NOP9: variants seen among roughly 807,000 people sequenced by gnomAD.
NOP9 encodes the protein NOP9 nucleolar protein.
NOP9 carries 50 observed loss-of-function variants against 63.0 expected under a neutral mutation model. The ratio of observed to expected loss-of-function variants is 0.79; its 90% CI spans 0.63 to 1.00. The LOEUF (loss-of-function observed/expected upper bound fraction) is 1.00, where lower values mean the gene tolerates loss of function less well. NOP9 is among the 50% of genes least tolerant of loss of function. The pLI is 0.00. For synonymous variants in NOP9, 343 were observed against 332.8 expected (o/e 1.03, Z -0.33); for missense variants, 758 against 803.0 (o/e 0.94, Z 0.68).
chr14:24,274,176 A>G, the NOP9 span, among the ~76,000 whole-genome samples: 9 of 152,128 alleles, frequency 5.9e-5, no homozygotes, highest in Admixed American at 1.3e-4. Flanking sequence ...CTCTGTGCAC[A>G]CTCATAGGCG....
rs542250063 is a variant in NOP9, at chr14:24,307,824, A to G, written c.*2729A>G. 6.3e-7 allele frequency: 1 copy of G among 1,595,516 alleles called. No homozygotes were observed. Among genetic ancestry groups the G allele is most frequent in the South Asian group, 1.1e-5 (1 of 88,012 alleles). ...GCGGAGGGTTAGCAGTCACCTGAGT[A>G]AGTCACTGGGGTTCAGAGCTGAGAG... On this transcript the variant is annotated 3_prime_UTR_variant, in exon 10 of 10. Transcript: ENST00000267425.
At chr14:24,291,698 T>C in the NOP9 span, 6 of 1,480,578 alleles carry the variant, frequency 4.1e-6, no homozygotes, top group African/African-American at 8.3e-5. Flanking sequence ...CCATTTCAAC[T>C]TCTGTTCCAG....
upstream of NOP9, among the ~76,000 whole-genome samples, chr14:24,295,973 G>C (rs1461672215): frequency 1.3e-5 from 2 of 152,122 alleles, no homozygotes; most frequent in Non-Finnish European, 2.9e-5. Context: ...CATTATGCTA[G>C]GCGAATTCTA....
At position 24,306,725 on chromosome 14, in the gene NOP9, C is replaced by T; in HGVS notation, c.*1630C>T. ...CTAGCTAGAGGCTGACCTTTTTCCT[C>T]TTTGCTCCTACCATGTCATTGGCAT... On this transcript the variant is annotated 3_prime_UTR_variant, in exon 10 of 10. Transcript: ENST00000267425. 1.6e-6 allele frequency: 1 copy of T among 611,394 alleles called. No homozygotes were observed. Among genetic ancestry groups the T allele is most frequent in the Non-Finnish European group, 2.8e-6 (1 of 352,054 alleles). 37.9% of individuals were successfully genotyped at this position (611,394 alleles called of 1,614,324 possible). A position where few individuals can be genotyped will look rare whatever the true frequency, so the allele number is the denominator to read the frequency against.
Position 24,300,127 on chromosome 14 carries a change from G to A in NOP9, c.173G>A (p.Ser58Asn). 1.2e-6 allele frequency: 2 copies of A among 1,613,824 alleles called. No individual in the cohort carries two copies. The highest frequency in any genetic ancestry group is 1.7e-6 in the Non-Finnish European group (2 of 1,179,948). Residue 58 changes from serine to asparagine, a missense_variant, in exon 1 of 10, where the codon AGC (serine) becomes AAC (asparagine). Transcript: ENST00000267425. Reference sequence around the variant, plus strand: ...GCTCCAGATTCGCACCCGCACCTGAGCCCGGAAGCTCTGGGATATTTCCGC... The same window carrying A: ...GCTCCAGATTCGCACCCGCACCTGAACCCGGAAGCTCTGGGATATTTCCGC... ...EPAPDSHPHL[S>N]PEALGYFRRA...
chr14:24,292,327 C>T, the NOP9 span: 1 of 1,614,022 alleles, frequency 6.2e-7, no homozygotes, highest in Admixed American at 1.7e-5. Context: ...GCCAGCTTGT[C>T]ACACTGTGGA....
chr14:24,271,261 C>G, the NOP9 span: 9 of 1,090,390 alleles, frequency 8.3e-6, no homozygotes, highest in Non-Finnish European at 1.2e-5. Flanking sequence ...GGGCAGAGAC[C>G]CCCAGAGTGT....
chr14:24,285,332 C>G, the NOP9 span, among the ~76,000 whole-genome samples: 1 of 152,160 alleles, frequency 6.6e-6, no homozygotes, highest in Admixed American at 6.5e-5. Context: ...CTCTTACCCT[C>G]TCTGTTGGTG....
chr14:24,287,758 C>T, the NOP9 span, among the ~76,000 whole-genome samples: 1 of 152,338 alleles, frequency 6.6e-6, no homozygotes, highest in Admixed American at 6.5e-5. Context: ...CCCCCTTCCT[C>T]AGTTCTCCAG....
At position 24,307,788 on chromosome 14, in the gene NOP9, T is replaced by C. The variant is rs1228122702; in HGVS notation, c.*2693T>C. 2 of 1,578,602 alleles carry C rather than the reference T, an allele frequency of 1.3e-6. No homozygotes were observed. The highest frequency in any genetic ancestry group is 1.7e-6 in the Non-Finnish European group (2 of 1,160,496). ...TTGCCCTGCCTATATCCCCTAAAGG[T>C]GGAGGGTAGAGCGGAGGGTTAGCAG... On this transcript the variant is annotated 3_prime_UTR_variant, in exon 10 of 10. Coordinates refer to ENST00000267425, the MANE Select transcript of NOP9 (RefSeq NM_174913.3).
chr14:24,273,380 T>C, the NOP9 span, among the ~76,000 whole-genome samples: 2 of 152,176 alleles, frequency 1.3e-5, no homozygotes, highest in African/African-American at 4.8e-5. Flanking sequence ...GGTTTCACCA[T>C]GTTGGCCAGG....
the NOP9 span, among the ~76,000 whole-genome samples, chr14:24,272,296 A>T: frequency 1.3e-5 from 2 of 152,250 alleles, no homozygotes; most frequent in Admixed American, 1.3e-4. Flanking sequence ...ACATGCACAT[A>T]CATATTCAAA....
chr14:24,292,344 GA>G, the NOP9 span: 1 of 1,613,620 alleles, frequency 6.2e-7, no homozygotes, highest in Non-Finnish European at 8.5e-7. Flanking sequence ...TGGAGAGGCG[GA>G]AGGCAGGGTA....
At chr14:24,290,874 G>T in the NOP9 span, 1 of 1,613,892 alleles carries the variant, frequency 6.2e-7, no homozygotes, top group Non-Finnish European at 8.5e-7. Flanking sequence ...ACTTGCTAGT[G>T]TAGAGGGCAA....
upstream of NOP9, among the ~76,000 whole-genome samples, chr14:24,297,862 C>T (rs1213425294): frequency 6.6e-6 from 1 of 152,182 alleles, no homozygotes; most frequent in Non-Finnish European, 1.5e-5. Context: ...TCAAGAACCA[C>T]CTACCTCCTC....
At chr14:24,277,325 A>G in the NOP9 span, among the ~76,000 whole-genome samples, 1 of 152,040 alleles carries the variant, frequency 6.6e-6, no homozygotes, top group Middle Eastern at 3.2e-3. Flanking sequence ...GCCTGGAGAG[A>G]GGCTGAGAGG....
At chr14:24,292,892 A>G in the NOP9 span, 9 of 1,419,464 alleles carry the variant, frequency 6.3e-6, no homozygotes, top group East Asian at 2.3e-4. Flanking sequence ...TCCACTAGGA[A>G]GGCTACACAG....
chr14:24,279,483 G>C, the NOP9 span, among the ~76,000 whole-genome samples: 1 of 152,210 alleles, frequency 6.6e-6, no homozygotes, highest in Non-Finnish European at 1.5e-5. Flanking sequence ...GGTCCCCAAG[G>C]TTGCCCTAAA....
the NOP9 span, among the ~76,000 whole-genome samples, chr14:24,274,078 A>T: frequency 6.6e-6 from 1 of 152,162 alleles, no homozygotes; most frequent in African/African-American, 2.4e-5. Context: ...TAAGTGGCCA[A>T]ATGGGACCTG....
Sources: allele counts gnomAD v4.1 joint callset (sites outside exome capture counted in the v4.1 genomes callset), GRCh38; gene constraint gnomAD v4.1.1; transcripts MANE v1.5; gene names NCBI Gene and HGNC (gene_info 2026-07-23, HGNC 2026-07-21).